Variants in CHRNG observed in about 807,000 individuals in gnomAD.
CHRNG encodes cholinergic receptor nicotinic gamma subunit, also known as acetylcholine receptor subunit gamma.
Under a neutral mutation model 65.2 loss-of-function variants are expected in CHRNG, and 72 were observed. That is an observed-to-expected ratio of 1.10 (90% CI 0.91 to 1.34). The LOEUF is 1.34. CHRNG is among the 40% of genes most tolerant of loss of function. The pLI, the probability that CHRNG is intolerant of heterozygous loss-of-function variation, is 0.00. For missense variants in CHRNG, 637 were observed against 680.1 expected, an observed-to-expected ratio of 0.94 and a Z score of 0.70; for synonymous variants, 284 against 290.2, an observed-to-expected ratio of 0.98 and a Z score of 0.22.
rs377704298 is a variant in CHRNG, at chr2:232,540,019, G to A, written c.83G>A (p.Arg28His). ...LGAQGRNQEE[R>H]LLADLMQNYD... ...GCCCAGGGCCGGAACCAGGAGGAGC[G>A]CCTGCTCGCAGACCTGATGCAAAAC... Residue 28 changes from arginine (R) to histidine (H), a missense_variant, in exon 2 of 12, where the codon CGC becomes CAC. Arg to His is a conservative substitution (Grantham distance 29). Coordinates refer to ENST00000651502, the MANE Select transcript of CHRNG (RefSeq NM_005199.5). The surrounding 1 kb of genome is among the most constrained non-coding windows in gnomAD (Gnocchi z 4.2). 1.1e-5 allele frequency: 18 copies of A among 1,614,058 alleles called. No homozygotes were observed. The highest frequency in any genetic ancestry group is 6.6e-5 in the South Asian group (6 of 91,090).
Position 232,544,792 on chromosome 2 carries a change from C to A in CHRNG, c.1270C>A (p.Leu424Met). The A allele has an allele frequency of 6.2e-7, 1 of 1,614,042 alleles. No homozygotes were observed. Among genetic ancestry groups the A allele is most frequent in the South Asian group, 1.1e-5 (1 of 91,080 alleles). The change falls in exon 11 of 12, where the codon CTG becomes ATG. Residue 424 changes from leucine (L) to methionine (M), a missense_variant. Leu to Met is a conservative substitution (Grantham distance 15, BLOSUM62 2). Transcript: ENST00000651502. The stretch of plus-strand genomic sequence containing the variant: ...ATCAGAGAAAGGCCCGGAGTTAGGG[C>A]TGAGCCAGTTCTGTGGCAGCCTGAA... ...EKLEKGPELG[L>M]SQFCGSLKQA...
In CHRNG at chr2:232,540,600, A is replaced by G. The variant is rs778499946; in HGVS notation, c.241-2A>G. 1 of 1,611,170 alleles carries G rather than the reference A, an allele frequency of 6.2e-7. No homozygotes were observed. Among genetic ancestry groups the G allele is most frequent in the Admixed American group, 1.7e-5 (1 of 59,938 alleles). Reference sequence around the variant, plus strand: ...GCCTAGCAACTGCCCCTCCCCCTGCAGCAGTGGTGCGACTATCGCCTGCGC... The same window carrying G: ...GCCTAGCAACTGCCCCTCCCCCTGCGGCAGTGGTGCGACTATCGCCTGCGC... On this transcript the variant is annotated splice_acceptor_variant, in intron 3 of 11. Coordinates refer to ENST00000651502, the MANE Select transcript of CHRNG (RefSeq NM_005199.5). LOFTEE classifies it high-confidence loss of function. The surrounding 1 kb of genome is among the most constrained non-coding windows in gnomAD (Gnocchi z 4.2).
rs1348575337 is a variant in CHRNG, at chr2:232,543,612, C to T, written c.948C>T (p.Thr316=). 3 of 1,613,102 alleles carry T rather than the reference C, an allele frequency of 1.9e-6. No individual in the cohort carries two copies. The highest frequency in any genetic ancestry group is 2.5e-6 in the Non-Finnish European group (3 of 1,179,182). ...SKYLTFLLVV[T]ILIVVNAVVV... ...ACCTGACCTTCCTCCTGGTGGTGAC[C>T]ATCCTCATTGTCGTGAATGCTGTGG... Residue 316 remains threonine (T), a synonymous_variant, in exon 9 of 12, where the codon ACC becomes ACT. Transcript: ENST00000651502.
At position 232,545,903 on chromosome 2, in the gene CHRNG, G is replaced by A. The variant is rs1348539359; in HGVS notation, c.*187G>A. 3 of 717,880 alleles carry A rather than the reference G, an allele frequency of 4.2e-6. No homozygotes were observed. In the East Asian group the frequency reaches 8.1e-5, roughly 19 times the overall value. 44.5% of individuals were successfully genotyped at this position (717,880 alleles called of 1,614,324 possible). ...AGCTGGAGTCCGAGAGTGGTTGGGGGTGGGCCGTGGCTAGTGTCCTGCTGC... is the reference window on the plus strand; with the variant it reads ...AGCTGGAGTCCGAGAGTGGTTGGGGATGGGCCGTGGCTAGTGTCCTGCTGC... On this transcript the variant is annotated 3_prime_UTR_variant, in exon 12 of 12. Transcript: ENST00000651502.
rs146398054 is a variant in CHRNG, at chr2:232,548,037, T to C, written c.*2321T>C. ...ATACTGTAGACCAGCAAGAGTGCAA[T>C]AGCATTGTCTAATAAAACAATATAC... On this transcript the variant is annotated 3_prime_UTR_variant, in exon 12 of 12. Transcript: ENST00000651502. 1.4e-5 allele frequency: 8 copies of C among 556,364 alleles called. No individual in the cohort carries two copies. Among genetic ancestry groups the C allele is most frequent in the East Asian group, 6.1e-5 (2 of 32,904 alleles). 34.5% of individuals were successfully genotyped at this position (556,364 alleles called of 1,614,324 possible). A position where few individuals can be genotyped will look rare whatever the true frequency, so the allele number is the denominator to read the frequency against.
intron 9 of CHRNG, 36 bp from the exon 10 acceptor site, chr2:232,544,331 C>T (rs747347665): frequency 4.8e-5 from 73 of 1,521,074 alleles, no homozygotes; most frequent in Non-Finnish European, 6.5e-5. Flanking sequence ...CTCTGAAGCT[C>T]GGCCTGCTGC....
In CHRNG at chr2:232,544,912, G is replaced by A. The variant is rs1389053771; in HGVS notation, c.1380+10G>A. ...GAGTCACTTTGACAATGTAAGCTGA[G>A]TCAGGGTGGGGTGGAGGTGGAGTGA... On this transcript the variant is annotated intron_variant, in intron 11 of 11. Coordinates refer to ENST00000651502, the MANE Select transcript of CHRNG (RefSeq NM_005199.5). 2 of 1,613,778 alleles carry A rather than the reference G, an allele frequency of 1.2e-6. No individual in the cohort carries two copies. The highest frequency in any genetic ancestry group is 2.2e-5 in the East Asian group (1 of 44,872).
rs974523110 is a variant in CHRNG at position 232,545,834 on chromosome 2, T to C, written c.*118T>C. 5.1e-6 allele frequency: 6 copies of C among 1,174,750 alleles called. No individual in the cohort carries two copies. The highest frequency in any genetic ancestry group is 1.8e-5 in the Admixed American group (1 of 55,074). 72.8% of individuals were successfully genotyped at this position (1,174,750 alleles called of 1,614,324 possible). On this transcript the variant is annotated 3_prime_UTR_variant, in exon 12 of 12. Coordinates refer to ENST00000651502, the MANE Select transcript of CHRNG (RefSeq NM_005199.5). ...CTCTTTGGGAAGTGCCCTTCAGGAC[T>C]GTGTGAGCCAAACAGCCCTGAGAAA...
At position 232,548,091 on chromosome 2, in the gene CHRNG, TA is replaced by T; in HGVS notation, c.*2381del. On this transcript the variant is annotated 3_prime_UTR_variant, in exon 12 of 12. Coordinates refer to ENST00000651502, the MANE Select transcript of CHRNG (RefSeq NM_005199.5). ...CCTAAATTTAAAAATACTTTATTGC[TA>T]AAAAATGCTGATTATCAATCTGAGC... 1.6e-6 allele frequency: 1 copy of T among 634,582 alleles called. No homozygotes were observed. The highest frequency in any genetic ancestry group is 2.6e-6 in the Non-Finnish European group (1 of 380,208). The allele number at this position is 634,582 out of a possible 1,614,324, so 39.3% of individuals were successfully genotyped here.
At position 232,540,700 on chromosome 2, in the gene CHRNG, G is replaced by A. The variant is rs1691998170; in HGVS notation, c.339G>A (p.Val113=). ...CCATGGTGTGGCGGCCGGATATCGT[G>A]CTGGAGAACAAGTGAGGAGGGGGTG... The part of the protein sequence containing the change: ...PSTMVWRPDI[V]LENNVDGVFE... Residue 113 remains valine, a synonymous_variant, in exon 4 of 12, where the codon GTG becomes GTA. Transcript: ENST00000651502. The surrounding 1 kb of genome is among the most constrained non-coding windows in gnomAD (Gnocchi z 4.2). 1 of 1,611,326 alleles carries A rather than the reference G, an allele frequency of 6.2e-7. No homozygotes were observed. Among genetic ancestry groups the A allele is most frequent in the Admixed American group, 1.7e-5 (1 of 59,922 alleles).
At position 232,547,240 on chromosome 2, in the gene CHRNG, C is replaced by T. The variant is rs1021191855; in HGVS notation, c.*1524C>T. Among the ~76,000 whole-genome samples, 1 of 152,022 alleles carries T rather than the reference C, an allele frequency of 6.6e-6. No homozygotes were observed. Among genetic ancestry groups the T allele is most frequent in the African/African-American group, 2.4e-5 (1 of 41,376 alleles). ...GAACCCAGCCTGGGCAACATGGGGA[C>T]ACCCGGCCTCTACCAAAAAATACAA... On this transcript the variant is annotated 3_prime_UTR_variant, in exon 12 of 12. Transcript: ENST00000651502.
intron 6 of CHRNG, 95 bp from the exon 7 acceptor site, chr2:232,542,787 G>A: frequency 1.8e-6 from 2 of 1,125,730 alleles, no homozygotes; most frequent in Non-Finnish European, 2.6e-6. Context: ...TGCTCCTTAG[G>A]GCACATGCTG....
At position 232,539,993 on chromosome 2, in the gene CHRNG, G is replaced by C. The variant is rs753421728; in HGVS notation, c.57G>C (p.Gly19=). 55 of 1,614,028 alleles carry C rather than the reference G, an allele frequency of 3.4e-5. No homozygotes were observed. The highest frequency in any genetic ancestry group is 4.6e-5 in the Non-Finnish European group (54 of 1,180,018). The change falls in exon 2 of 12, where the codon GGG becomes GGC. Residue 19 remains glycine, a splice_region_variant and synonymous_variant. Coordinates refer to ENST00000651502, the MANE Select transcript of CHRNG (RefSeq NM_005199.5). ...LLLLLLAVCL[G]AQGRNQEERL... The stretch of plus-strand genomic sequence containing the variant: ...TAGGCTCACGCCTGTCTATTGCAGG[G>C]GCCCAGGGCCGGAACCAGGAGGAGC...
chr2:232,542,189 CA>C (rs1346222815), intron 5 of CHRNG, among the ~76,000 whole-genome samples: 1 of 152,160 alleles, frequency 6.6e-6, no homozygotes, highest in Non-Finnish European at 1.5e-5. Flanking sequence ...GCCCATCAGC[CA>C]GGTGAGGGCC....
chr2:232,539,696 C>T lies in CHRNG; in HGVS notation c.-52C>T, dbSNP rs1215744030. The T allele has an allele frequency of 6.3e-7, 1 of 1,582,266 alleles. No individual in the cohort carries two copies. Among genetic ancestry groups the T allele is most frequent in the Non-Finnish European group, 8.7e-7 (1 of 1,152,910 alleles). Reference sequence around the variant, plus strand: ...ACCCAGAGCCCATCTCTCTCTGCCCCAGACCTTGGAGCTGTTGTCCCACCC... The same window carrying T: ...ACCCAGAGCCCATCTCTCTCTGCCCTAGACCTTGGAGCTGTTGTCCCACCC... On this transcript the variant is annotated 5_prime_UTR_variant, in exon 1 of 12. Transcript: ENST00000651502.
In CHRNG at chr2:232,545,615, A is replaced by C. The variant is rs1417592760; in HGVS notation, c.1453A>C (p.Ile485Leu). ...VCFLAMLSLF[I>L]CGTAGIFLMA... is the part of the protein sequence containing the mutation. ...CTTCCTGGCCATGCTCTCGCTCTTC[A>C]TCTGTGGCACAGCTGGCATCTTCCT... Residue 485 changes from isoleucine (I) to leucine (L), a missense_variant, in exon 12 of 12, where the codon ATC becomes CTC. Coordinates refer to ENST00000651502, the MANE Select transcript of CHRNG (RefSeq NM_005199.5). 3 of 1,614,002 alleles carry C rather than the reference A, an allele frequency of 1.9e-6. No individual in the cohort carries two copies. Among genetic ancestry groups the C allele is most frequent in the Non-Finnish European group, 2.5e-6 (3 of 1,180,028 alleles).
In CHRNG at chr2:232,541,589, T is replaced by C; in HGVS notation, c.506+60T>C. Reference sequence around the variant, plus strand: ...GCTCTCAGAGGGGCCTGGGCAGTGGTGGGGTAAGGCCTGGGCAAGGCTTCT... The same window carrying C: ...GCTCTCAGAGGGGCCTGGGCAGTGGCGGGGTAAGGCCTGGGCAAGGCTTCT... On this transcript the variant is annotated intron_variant, in intron 5 of 11. Transcript: ENST00000651502. The surrounding 1 kb of genome is among the most constrained non-coding windows in gnomAD (Gnocchi z 4.0). 1 of 1,595,720 alleles carries C rather than the reference T, an allele frequency of 6.3e-7. No individual in the cohort carries two copies. Among genetic ancestry groups the C allele is most frequent in the South Asian group, 1.1e-5 (1 of 90,878 alleles).
chr2:232,540,161 G>A lies in CHRNG; in HGVS notation c.195+30G>A, dbSNP rs752915821. On this transcript the variant is annotated intron_variant, in intron 2 of 11. Coordinates refer to ENST00000651502, the MANE Select transcript of CHRNG (RefSeq NM_005199.5). This position sits in a 1 kb window ranked among gnomAD's most constrained non-coding sequence, Gnocchi z 4.2. ...GCCGCAGGACGGAGGAGGGGTCAGC[G>A]CACCACGCCCTGGGACCTGCTGGGG... is the stretch of plus-strand genomic sequence containing the variant. The A allele has an allele frequency of 3.1e-6, 5 of 1,614,102 alleles. No homozygotes were observed. The highest frequency in any genetic ancestry group is 1.3e-5 in the African/African-American group (1 of 75,046).
intron 11 of CHRNG, 117 bp from the exon 12 acceptor site, chr2:232,545,426 T>C (rs1692108668): frequency 4.2e-6 from 4 of 963,450 alleles, no homozygotes; most frequent in Non-Finnish European, 6.4e-6. Context: ...CGGACATAGG[T>C]AAGAAGGGCC....
Sources: gnomAD v4.1 joint callset for allele counts (sites outside exome capture counted in the v4.1 genomes callset) on GRCh38, gnomAD v4.1.1 for gene constraint, Gnocchi (gnomAD v3.1) non-coding constraint, MANE v1.5 for transcripts, NCBI Gene and HGNC (gene_info 2026-07-23, HGNC 2026-07-21) for gene names.